Variants in MBTD1 observed in about 807,000 individuals in gnomAD.
MBTD1 encodes MBT domain-containing protein 1.
Under a neutral mutation model 87.8 loss-of-function variants are expected in MBTD1, and 24 were observed. That is an observed-to-expected ratio of 0.27 (90% CI 0.20 to 0.38). The LOEUF (loss-of-function observed/expected upper bound fraction) is 0.38, where lower values mean the gene tolerates loss of function less well. Ranked by LOEUF, MBTD1 falls within the 10% of genes least tolerant of loss-of-function variation. The probability of loss-of-function intolerance (pLI) is 1.00; values close to 1 mark genes in which losing one functional copy is unlikely to be tolerated. For missense variants in MBTD1, 436 were observed against 760.2 expected (o/e 0.57, Z 5.02); for synonymous variants, 237 against 248.6 (o/e 0.95, Z 0.44).
Position 51,179,481 on chromosome 17 carries a change from A to ATTATATATATATATATATATATATAT in MBTD1, c.*1094_*1095insATATATATATATATATATATATATAA, listed in dbSNP as rs1491272569. The stretch of plus-strand genomic sequence containing the variant: ...TAAATCCTGAATACAATTAAAGACA[A>ATTATATATATATATATATATATATAT]TTTTATATATATATATATATATATA... On this transcript the variant is annotated 3_prime_UTR_variant, in exon 17 of 17. Transcript: ENST00000586178. 6.3e-4 allele frequency: 31 copies of ATTATATATATATATATATATATATAT among 49,300 alleles called. 1 individual carries two copies. Among genetic ancestry groups the ATTATATATATATATATATATATATAT allele is most frequent in the Non-Finnish European group, 1.1e-3 (26 of 24,524 alleles). The allele number at this position is 49,300 out of a possible 1,614,324, so 3.1% of individuals were successfully genotyped here. A position where few individuals can be genotyped will look rare whatever the true frequency, so the allele number is the denominator to read the frequency against.
At position 51,194,267 on chromosome 17, in the gene MBTD1, T is replaced by C. The variant is rs200173406; in HGVS notation, c.1373-757A>G. Among the ~76,000 whole-genome samples the C allele has an allele frequency of 4.6e-5, 7 of 152,206 alleles. No homozygotes were observed. In the East Asian group the frequency reaches 1.4e-3, roughly 29 times the overall value. On this transcript the variant is annotated intron_variant, in intron 13 of 16. Transcript: ENST00000586178. ...GGTTAAACCACGAGTAAAACAGCCA[T>C]CCTTTTAAAAGTCCACATAGGGCTG...
At chr17:51,193,118 CAT>C (rs1408684536) in intron 14 of MBTD1, 102 bp from the exon 15 acceptor site, 16 of 746,572 alleles carry the variant, frequency 2.1e-5, no homozygotes. Flanking sequence ...AGCTAAATAA[CAT>C]AATTATAAAC....
At chr17:51,220,528 T>C (rs1230722112) in intron 3 of MBTD1, 65 bp from the exon 4 acceptor site, 16 of 1,379,132 alleles carry the variant, frequency 1.2e-5, no homozygotes, top group Non-Finnish European at 1.6e-5. Context: ...CATCTAACAG[T>C]TTAAATAATT....
intron 2 of MBTD1, chr17:51,256,327 G>C (rs16949732): frequency 0.065 from 9,871 of 152,206 alleles, 570 homozygotes; most frequent in African/African-American, 0.15. Context: ...AGTTCAGAGA[G>C]GTAGCTTGCT....
At chr17:51,198,592 C>G (rs1454464254) in intron 12 of MBTD1, among the ~76,000 whole-genome samples, 5 of 152,218 alleles carry the variant, frequency 3.3e-5, no homozygotes, top group Non-Finnish European at 7.3e-5. Flanking sequence ...TGGAACCAAA[C>G]CAAAGGCTTA....
intron 2 of MBTD1, among the ~76,000 whole-genome samples, chr17:51,241,361 G>C (rs1159426761): frequency 6.6e-6 from 1 of 152,240 alleles, no homozygotes; most frequent in Non-Finnish European, 1.5e-5. Context: ...TCTATGGGGA[G>C]ACACTTTAAA....
chr17:51,194,440 C>A (rs996846115), intron 13 of MBTD1, among the ~76,000 whole-genome samples: 5 of 151,896 alleles, frequency 3.3e-5, no homozygotes, highest in Non-Finnish European at 7.4e-5. Context: ...CGTGGTGGTG[C>A]ACACCTGTAA....
intron 3 of MBTD1, among the ~76,000 whole-genome samples, chr17:51,222,612 G>A (rs2052974287): frequency 6.6e-6 from 1 of 151,656 alleles, no homozygotes; most frequent in South Asian, 2.1e-4. Flanking sequence ...TGCCCAGGCT[G>A]GTCTCGAACT....
At chr17:51,256,555 A>C (rs1461317474) in intron 2 of MBTD1, 1 of 152,236 alleles carries the variant, frequency 6.6e-6, no homozygotes. Context: ...AGAGCCTCCA[A>C]GAAGTGATTA....
At chr17:51,239,895 T>C (rs997340656) in intron 2 of MBTD1, among the ~76,000 whole-genome samples, 5 of 152,180 alleles carry the variant, frequency 3.3e-5, no homozygotes, top group Admixed American at 2.6e-4. Context: ...ATTAACCCAA[T>C]ACTTTCATCT....
chr17:51,246,354 T>C (rs1415902382), intron 2 of MBTD1, among the ~76,000 whole-genome samples: 1 of 152,170 alleles, frequency 6.6e-6, no homozygotes, highest in Non-Finnish European at 1.5e-5. Flanking sequence ...TGGTTATCTG[T>C]GGTGTCATGT....
At chr17:51,200,619 T>C (rs2051418328) in intron 12 of MBTD1, among the ~76,000 whole-genome samples, 1 of 145,190 alleles carries the variant, frequency 6.9e-6, no homozygotes, top group African/African-American at 2.6e-5. Context: ...ATCCCAGCAC[T>C]GTGGGAGGCT....
intron 2 of MBTD1, among the ~76,000 whole-genome samples, chr17:51,247,190 G>A (rs1228869354): frequency 6.6e-6 from 1 of 152,132 alleles, no homozygotes; most frequent in African/African-American, 2.4e-5. Flanking sequence ...TTTTGTCATA[G>A]GCTTTTTCGG....
In MBTD1 at chr17:51,182,125, A is replaced by ATT. The variant is rs35397252; in HGVS notation, c.1769-1433_1769-1432dup. On this transcript the variant is annotated intron_variant, in intron 16 of 16. Coordinates refer to ENST00000586178, the MANE Select transcript of MBTD1 (RefSeq NM_017643.3). The stretch of plus-strand genomic sequence containing the variant: ...TTCCACTCCTGCCTGGGCCCTGTGC[A>ATT]TTTTTTTTTTTTTTTTTGAGACATA... Among the ~76,000 whole-genome samples, 52 of 134,676 alleles carry ATT rather than the reference A, an allele frequency of 3.9e-4. 1 individual carries two copies. Among genetic ancestry groups the ATT allele is most frequent in the East Asian group, 1.3e-3 (6 of 4,596 alleles). 88.4% of individuals were successfully genotyped at this position (134,676 alleles called of 152,430 possible).
chr17:51,260,213 G>C (rs999244444), upstream of MBTD1: 2 of 409,854 alleles, frequency 4.9e-6, no homozygotes, highest in Non-Finnish European at 8.7e-6. Context: ...TGGGGCTTGT[G>C]TCAAGTCAAG....
intron 16 of MBTD1, chr17:51,191,490 A>G (rs2050810380): frequency 6.6e-6 from 1 of 151,754 alleles, no homozygotes; most frequent in Admixed American, 6.6e-5. Context: ...ATCAACTTGG[A>G]TTTCTTACCA....
intron 6 of MBTD1, among the ~76,000 whole-genome samples, chr17:51,216,674 A>G (rs2052587910): frequency 6.6e-6 from 1 of 152,242 alleles, no homozygotes; most frequent in Admixed American, 6.5e-5. Context: ...AACATACACA[A>G]TGAATGGTTT....
intron 12 of MBTD1, among the ~76,000 whole-genome samples, chr17:51,200,904 T>C (rs1443702322): frequency 2.6e-5 from 4 of 151,628 alleles, no homozygotes; most frequent in Non-Finnish European, 5.9e-5. Flanking sequence ...CTCATGCCTA[T>C]AATCCTAGCA....
chr17:51,195,450 T>G, intron 12 of MBTD1, 89 bp from the exon 13 acceptor site: 2 of 1,092,572 alleles, frequency 1.8e-6, no homozygotes, highest in Non-Finnish European at 2.6e-6. Context: ...AAGGAAAATC[T>G]ATTATATAAA....
Sources: gnomAD v4.1 joint callset for allele counts (sites outside exome capture counted in the v4.1 genomes callset) on GRCh38, gnomAD v4.1.1 for gene constraint, MANE v1.5 for transcripts, NCBI Gene and HGNC (gene_info 2026-07-23, HGNC 2026-07-21) for gene names.